ZNF277: variants seen among roughly 807,000 people sequenced by gnomAD.
The protein encoded by ZNF277 is nuclear receptor-interacting factor 4.
In ZNF277, 55 loss-of-function variants were observed where a neutral mutation model predicts 60.7. That is an observed-to-expected ratio of 0.91 (90% confidence interval 0.73 to 1.13). ZNF277 has a LOEUF of 1.13. Ranked by LOEUF, ZNF277 falls within the 50% of genes most tolerant of loss-of-function variation. The pLI, the probability that ZNF277 is intolerant of heterozygous loss-of-function variation, is 0.00. For synonymous variants in ZNF277, 178 were observed against 179.3 expected, an observed-to-expected ratio of 0.99 and a Z score of 0.06; for missense variants, 510 against 523.0, an observed-to-expected ratio of 0.98 and a Z score of 0.24.
chr7:112,211,191 G>C (rs1335581867), intron 1 of ZNF277, among the ~76,000 whole-genome samples: 2 of 152,310 alleles, frequency 1.3e-5, no homozygotes, highest in South Asian at 2.1e-4. Flanking sequence ...AAGGGTAGCA[G>C]GTGATGTAAA....
intron 5 of ZNF277, among the ~76,000 whole-genome samples, chr7:112,327,318 G>A (rs997690009): frequency 2.0e-5 from 3 of 152,118 alleles, no homozygotes; most frequent in Non-Finnish European, 2.9e-5. Context: ...AAAAGGGTTC[G>A]CGCTCCTATG....
At chr7:112,257,809 T>C (rs755333960) in intron 1 of ZNF277, among the ~76,000 whole-genome samples, 2 of 152,076 alleles carry the variant, frequency 1.3e-5, no homozygotes, top group Non-Finnish European at 2.9e-5. Flanking sequence ...TATTATTTTA[T>C]TTTACTTTAT....
At chr7:112,335,007 A>G (rs1793303009) in intron 7 of ZNF277, among the ~76,000 whole-genome samples, 1 of 152,170 alleles carries the variant, frequency 6.6e-6, no homozygotes, top group African/African-American at 2.4e-5. Flanking sequence ...AAATGTATGC[A>G]TCATTTAGCT....
At chr7:112,313,544 C>G (rs1792778470) in intron 4 of ZNF277, among the ~76,000 whole-genome samples, 1 of 152,052 alleles carries the variant, frequency 6.6e-6, no homozygotes, top group African/African-American at 2.4e-5. Context: ...CAGTAAAAAC[C>G]TATCCCCAAA....
chr7:112,260,035 C>T (rs559735723), intron 1 of ZNF277, among the ~76,000 whole-genome samples: 4 of 152,204 alleles, frequency 2.6e-5, no homozygotes, highest in African/African-American at 2.4e-5. Context: ...TAGAGGTCAA[C>T]GCGGGTGAAT....
chr7:112,330,154 C>G lies in ZNF277; in HGVS notation c.739C>G (p.Gln247Glu). The G allele has an allele frequency of 6.2e-7, 1 of 1,613,164 alleles. No homozygotes were observed. The highest frequency in any genetic ancestry group is 8.5e-7 in the Non-Finnish European group (1 of 1,179,612). Residue 247 changes from glutamine (Q) to glutamate (E), a missense_variant, in exon 7 of 12, where the codon CAG (glutamine) becomes GAG (glutamate). Physicochemically the swap from Gln to Glu is conservative, Grantham distance 29. Transcript: ENST00000361822. ...NTLKDHMRKK[Q>E]HRKINPKNRE... The stretch of plus-strand genomic sequence containing the variant: ...ACTTAAAGATCACATGAGGAAAAAA[C>G]AGCATCGTAAGATTAATCCTAAGAA...
At chr7:112,339,583 T>TGCTGGGATTATAGGCGTGAGCCACC (rs1793403274) in intron 9 of ZNF277, among the ~76,000 whole-genome samples, 1 of 152,180 alleles carries the variant, frequency 6.6e-6, no homozygotes, top group African/African-American at 2.4e-5. Flanking sequence ...TCTCCCAAAG[T>TGCTGGGATTATAGGCGTGAGCCACC]GCTGGGATTA....
At chr7:112,206,953 G>A (rs753951576) in intron 1 of ZNF277, 146 bp downstream of exon 1, 1 of 725,560 alleles carries the variant, frequency 1.4e-6, no homozygotes, top group Non-Finnish European at 2.1e-6. Flanking sequence ...TGGCCCAGCG[G>A]GATGGGTTGG....
chr7:112,218,866 ATTGATGGACACTTAGC>A (rs1020193138), intron 1 of ZNF277, among the ~76,000 whole-genome samples: 69 of 152,316 alleles, frequency 4.5e-4, no homozygotes, highest in Admixed American at 1.4e-3. Flanking sequence ...CTGTTCATCC[ATTGATGGACACTTAGC>A]TTGATTCTTT....
chr7:112,322,672 A>T (rs1431278344), intron 5 of ZNF277, among the ~76,000 whole-genome samples: 2 of 152,004 alleles, frequency 1.3e-5, no homozygotes, highest in Admixed American at 6.6e-5. Flanking sequence ...GCATATTCAT[A>T]TTAGCTAACT....
At chr7:112,207,823 A>G (rs1821597169) in intron 1 of ZNF277, among the ~76,000 whole-genome samples, 1 of 152,214 alleles carries the variant, frequency 6.6e-6, no homozygotes, top group African/African-American at 2.4e-5. Flanking sequence ...TCAGCGGCAC[A>G]GAGTTGAAGT....
chr7:112,258,915 A>G (rs1201063090), intron 1 of ZNF277, among the ~76,000 whole-genome samples: 1 of 152,030 alleles, frequency 6.6e-6, no homozygotes, highest in African/African-American at 2.4e-5. Context: ...ATCTTCATAA[A>G]TGTCCCCCTT....
At position 112,339,810 on chromosome 7, in the gene ZNF277, A is replaced by G. The variant is rs368810929; in HGVS notation, c.967-33A>G. 251 of 1,593,262 alleles carry G rather than the reference A, an allele frequency of 1.6e-4. 1 individual carries two copies. The African/African-American group carries it at 2.9e-3, about 18-fold the overall frequency. On this transcript the variant is annotated intron_variant, in intron 9 of 11. Coordinates refer to ENST00000361822, the MANE Select transcript of ZNF277 (RefSeq NM_021994.3). ...TTCAGCCTGAAAGATTAAATAATTC[A>G]TATGCTTACAGATGTATTCATTCCT...
intron 1 of ZNF277, among the ~76,000 whole-genome samples, chr7:112,235,721 T>C (rs1209257957): frequency 1.3e-5 from 2 of 152,106 alleles, no homozygotes; most frequent in African/African-American, 4.8e-5. Context: ...TTCCATGTTC[T>C]TGATGGTGTC....
chr7:112,270,054 A>G (rs10239076), intron 1 of ZNF277, among the ~76,000 whole-genome samples: 8,755 of 152,148 alleles, frequency 0.058, 669 homozygotes, highest in African/African-American at 0.18. Flanking sequence ...AATAAAAAGA[A>G]TAACATGGTT....
rs1019659469 is a variant in ZNF277, at chr7:112,287,186, A to G, written c.293+112A>G. ...AGTGGGAGGATCACCCGAGGCCAGT[A>G]GTAGTTCAAGATGCCAGCTCTAAAA... On this transcript the variant is annotated intron_variant, in intron 2 of 11. Coordinates refer to ENST00000361822, the MANE Select transcript of ZNF277 (RefSeq NM_021994.3). 48 of 1,076,168 alleles carry G rather than the reference A, an allele frequency of 4.5e-5. No individual in the cohort carries two copies. The highest frequency in any genetic ancestry group is 6.8e-6 in the Non-Finnish European group (5 of 733,986). 66.7% of individuals were successfully genotyped at this position (1,076,168 alleles called of 1,614,324 possible). A position where few individuals can be genotyped will look rare whatever the true frequency, so the allele number is the denominator to read the frequency against.
At chr7:112,279,208 T>G (rs1186298422) in intron 1 of ZNF277, among the ~76,000 whole-genome samples, 1 of 152,226 alleles carries the variant, frequency 6.6e-6, no homozygotes, top group African/African-American at 2.4e-5. Flanking sequence ...TTTGGATAAA[T>G]AACCAGAAGT....
In ZNF277 at chr7:112,336,070, C is replaced by A. The variant is rs763569109; in HGVS notation, c.802-34C>A. ...CATACTCTCTCCCTTCTCTTTCCCC[C>A]AATGTCTCTCATCCCTCTGTTCTTC... On this transcript the variant is annotated intron_variant, in intron 7 of 11. Coordinates refer to ENST00000361822, the MANE Select transcript of ZNF277 (RefSeq NM_021994.3). 3.2e-6 allele frequency: 5 copies of A among 1,570,152 alleles called. No individual in the cohort carries two copies. The South Asian group carries it at 4.6e-5, about 15-fold the overall frequency.
intron 1 of ZNF277, among the ~76,000 whole-genome samples, chr7:112,255,793 T>A (rs1287384356): frequency 1.3e-5 from 2 of 152,198 alleles, no homozygotes; most frequent in Admixed American, 1.3e-4. Context: ...AACATTCAGT[T>A]TTGTGAATAT....
Sources: allele counts gnomAD v4.1 joint callset (sites outside exome capture counted in the v4.1 genomes callset), GRCh38; gene constraint gnomAD v4.1.1; transcripts MANE v1.5; gene names NCBI Gene and HGNC (gene_info 2026-07-23, HGNC 2026-07-21).